Variants in SLC2A14 observed in about 807,000 individuals in gnomAD.
The protein encoded by SLC2A14 is solute carrier family 2 member 14.
SLC2A14 carries 13 observed loss-of-function variants against 43.0 expected under a neutral mutation model. That is an observed-to-expected ratio of 0.30 (90% CI 0.20 to 0.48). SLC2A14 has a LOEUF of 0.48. Ranked by LOEUF, SLC2A14 falls within the 20% of genes least tolerant of loss-of-function variation. The probability of loss-of-function intolerance (pLI) is 0.99; values close to 1 mark genes in which losing one functional copy is unlikely to be tolerated. For synonymous variants in SLC2A14, 190 were observed against 233.8 expected (o/e 0.81, Z 1.71); for missense variants, 428 against 620.4 (o/e 0.69, Z 3.29).
At chr12:7,859,540 C>T (rs916906829) in intron 2 of SLC2A14, among the ~76,000 whole-genome samples, 2 of 152,000 alleles carry the variant, frequency 1.3e-5, no homozygotes, top group Non-Finnish European at 2.9e-5. Context: ...CTGAGGTGGA[C>T]TGGAAAACAA....
intron 2 of SLC2A14, among the ~76,000 whole-genome samples, chr12:7,836,083 G>A (rs565441825): frequency 3.9e-5 from 6 of 151,966 alleles, no homozygotes; most frequent in African/African-American, 7.3e-5. Context: ...AAATGAATCC[G>A]TTCCACATCA....
intron 1 of SLC2A14, among the ~76,000 whole-genome samples, chr12:7,882,016 G>C (rs1945585014): frequency 6.6e-6 from 1 of 152,072 alleles, no homozygotes; most frequent in Admixed American, 6.6e-5. Flanking sequence ...TGTGGGTGGG[G>C]CCAGATAAGA....
chr12:7,891,126 A>C, exon 1 of SLC2A14: 1 of 1,533,148 alleles, frequency 6.5e-7, no homozygotes, highest in Non-Finnish European at 8.7e-7. Flanking sequence ...GAGTCTTTGC[A>C]TTGTGAACAA....
At chr12:7,826,243 A>G (rs974918212) in intron 7 of SLC2A14, among the ~76,000 whole-genome samples, 4 of 147,418 alleles carry the variant, frequency 2.7e-5, no homozygotes, top group Non-Finnish European at 4.5e-5. Flanking sequence ...TTTTTTTAAG[A>G]CAGGGTCATG....
intron 2 of SLC2A14, among the ~76,000 whole-genome samples, chr12:7,861,171 T>C (rs1461192558): frequency 1.3e-5 from 2 of 151,956 alleles, no homozygotes; most frequent in Non-Finnish European, 2.9e-5. Context: ...AGAGGGGAGA[T>C]GTGAAGATCT....
intron 1 of SLC2A14, among the ~76,000 whole-genome samples, chr12:7,878,984 A>AC (rs1369488818): frequency 1.1e-5 from 1 of 87,192 alleles, no homozygotes; most frequent in Non-Finnish European, 2.4e-5. Flanking sequence ...CTCAAAAAAA[A>AC]AAAAAAAAAA....
At chr12:7,843,963 C>T (rs936495652) in intron 2 of SLC2A14, among the ~76,000 whole-genome samples, 2 of 134,398 alleles carry the variant, frequency 1.5e-5, no homozygotes. Flanking sequence ...TTATTGTTGT[C>T]TTTTCTTTTA....
At chr12:7,818,592 G>A (rs1863672418) in intron 9 of SLC2A14, among the ~76,000 whole-genome samples, 1 of 151,912 alleles carries the variant, frequency 6.6e-6, no homozygotes, top group African/African-American at 2.4e-5. Context: ...AGCCTGGGAG[G>A]CAGAGATTGC....
At chr12:7,838,550 G>T (rs960465926) in intron 2 of SLC2A14, among the ~76,000 whole-genome samples, 1 of 152,052 alleles carries the variant, frequency 6.6e-6, no homozygotes, top group Non-Finnish European at 1.5e-5. Flanking sequence ...TAACTTGTCT[G>T]GTTTCCCAGG....
At chr12:7,874,261 C>T (rs1382937159), upstream of SLC2A14, among the ~76,000 whole-genome samples, 1 of 152,042 alleles carries the variant, frequency 6.6e-6, no homozygotes, top group Non-Finnish European at 1.5e-5. Context: ...CATATGGCTA[C>T]CCCACGATCC....
At chr12:7,868,573 A>G (rs1185640830) in intron 2 of SLC2A14, among the ~76,000 whole-genome samples, 1 of 152,200 alleles carries the variant, frequency 6.6e-6, no homozygotes, top group Non-Finnish European at 1.5e-5. Flanking sequence ...ATAGGCACCA[A>G]GAGTGCCTGT....
chr12:7,891,048 G>C, exon 1 of SLC2A14: 1 of 1,534,980 alleles, frequency 6.5e-7, no homozygotes, highest in Non-Finnish European at 8.7e-7. Flanking sequence ...GGTCTGAGAA[G>C]AAAAAAAGAA....
At chr12:7,817,282 A>C (rs1863532447) in intron 10 of SLC2A14, among the ~76,000 whole-genome samples, 1 of 151,854 alleles carries the variant, frequency 6.6e-6, no homozygotes, top group Admixed American at 6.6e-5. Context: ...TGCCCGGCTA[A>C]TTTTGCATTT....
At chr12:7,827,073 C>CTTTCTT (rs1349948625) in intron 7 of SLC2A14, among the ~76,000 whole-genome samples, 3 of 118,102 alleles carry the variant, frequency 2.5e-5, no homozygotes, top group African/African-American at 1.0e-4. Context: ...TTCTCTCTCT[C>CTTTCTT]TCTTTCTTTC....
chr12:7,852,720 G>A (rs994528857), intron 2 of SLC2A14, among the ~76,000 whole-genome samples: 1 of 151,978 alleles, frequency 6.6e-6, no homozygotes, highest in Non-Finnish European at 1.5e-5. Context: ...TGTCCACTGG[G>A]AGCAAGTCAC....
chr12:7,853,905 T>C (rs1242689733), intron 2 of SLC2A14, among the ~76,000 whole-genome samples: 1 of 152,186 alleles, frequency 6.6e-6, no homozygotes, highest in African/African-American at 2.4e-5. Flanking sequence ...TCAGGAACCC[T>C]GAATGGAAAT....
chr12:7,883,026 T>C (rs1444066004), intron 1 of SLC2A14, among the ~76,000 whole-genome samples: 23 of 151,540 alleles, frequency 1.5e-4, no homozygotes, highest in East Asian at 5.9e-4. Context: ...CTGGCCAACA[T>C]GGTGAAACCC....
chr12:7,888,268 T>A (rs937903456), intron 1 of SLC2A14, among the ~76,000 whole-genome samples: 6 of 151,824 alleles, frequency 4.0e-5, no homozygotes, highest in African/African-American at 1.5e-4. Context: ...AAACAGGTAA[T>A]CTCCACCCCA....
chr12:7,870,830 C>G (rs1199194906), intron 1 of SLC2A14: 1 of 1,236,926 alleles, frequency 8.1e-7, no homozygotes, highest in Non-Finnish European at 1.0e-6. Context: ...CCCAGTGAAG[C>G]CCCCACCCAC....
Sources: gnomAD v4.1 joint callset for allele counts (sites outside exome capture counted in the v4.1 genomes callset) on GRCh38, gnomAD v4.1.1 for gene constraint, MANE v1.5 for transcripts, NCBI Gene and HGNC (gene_info 2026-07-23, HGNC 2026-07-21) for gene names.